Variants in NUP188 observed in about 807,000 individuals in gnomAD.
NUP188 encodes the protein nucleoporin NUP188.
NUP188 carries 97 observed loss-of-function variants against 223.0 expected under a neutral mutation model. The ratio of observed to expected loss-of-function variants is 0.43; its 90% confidence interval spans 0.37 to 0.51. The LOEUF (loss-of-function observed/expected upper bound fraction) is 0.51, where lower values mean the gene tolerates loss of function less well. NUP188 is among the 20% of genes least tolerant of loss of function. The pLI, the probability that NUP188 is intolerant of heterozygous loss-of-function variation, is 0.00. For missense variants in NUP188, 1,947 were observed against 2,175.6 expected (o/e 0.89, Z 2.09); for synonymous variants, 869 against 828.0 (o/e 1.05, Z -0.85).
At chr9:129,001,408 A>C in intron 34 of NUP188, 121 bp from the exon 35 acceptor site, 1 of 800,750 alleles carries the variant, frequency 1.2e-6, no homozygotes, top group Non-Finnish European at 2.1e-6. Flanking sequence ...TGTGTTACTC[A>C]AGCTCACTTA....
At chr9:128,991,049 G>T (rs527818258) in intron 25 of NUP188, among the ~76,000 whole-genome samples, 6 of 151,888 alleles carry the variant, frequency 4.0e-5, no homozygotes, top group Admixed American at 2.0e-4. Flanking sequence ...CATGCTTATT[G>T]TAAAATATTT....
chr9:128,983,283 C>G lies in NUP188; in HGVS notation c.1797-10C>G. 3 of 1,611,540 alleles carry G rather than the reference C, an allele frequency of 1.9e-6. No homozygotes were observed. The South Asian group carries it at 3.3e-5, about 18-fold the overall frequency. On this transcript the variant is annotated splice_polypyrimidine_tract_variant and intron_variant, in intron 17 of 43. Coordinates refer to ENST00000372577, the MANE Select transcript of NUP188 (RefSeq NM_015354.3). ...GCTTTATTGAGTATAGTGTATTGTTCTCCAACCAGGTTAACGACAGTGATC... is the reference window on the plus strand; with the variant it reads ...GCTTTATTGAGTATAGTGTATTGTTGTCCAACCAGGTTAACGACAGTGATC...
At chr9:128,994,630 A>G (rs1017875128) in intron 28 of NUP188, among the ~76,000 whole-genome samples, 188 bp downstream of exon 28, 6 of 152,146 alleles carry the variant, frequency 3.9e-5, no homozygotes, top group African/African-American at 1.2e-4. Context: ...TGGGAAGGAA[A>G]GTGGTTTGCG....
At position 128,993,141 on chromosome 9, in the gene NUP188, C is replaced by G. The variant is rs1276527630; in HGVS notation, c.2641-56C>G. On this transcript the variant is annotated intron_variant, in intron 25 of 43. Transcript: ENST00000372577. The stretch of plus-strand genomic sequence containing the variant: ...TCTTCAGTGCCCTTCTGTGGGAGCC[C>G]ATTGAGGTTTTTGTGGAAGCAGAGC... 4 of 1,437,658 alleles carry G rather than the reference C, an allele frequency of 2.8e-6. No homozygotes were observed. In the African/African-American group the frequency reaches 5.6e-5, roughly 20 times the overall value. The allele number at this position is 1,437,658 out of a possible 1,614,324, so 89.1% of individuals were successfully genotyped here. A position where few individuals can be genotyped will look rare whatever the true frequency, so the allele number is the denominator to read the frequency against.
chr9:128,956,532 T>G, intron 4 of NUP188, 98 bp downstream of exon 4: 1 of 646,340 alleles, frequency 1.5e-6, no homozygotes, highest in Non-Finnish European at 2.6e-6. Context: ...CTTTTTGTTT[T>G]GGGGATTAAA....
At chr9:128,960,865 G>A (rs190844641) in intron 8 of NUP188, among the ~76,000 whole-genome samples, 10 of 152,006 alleles carry the variant, frequency 6.6e-5, no homozygotes, top group South Asian at 4.2e-4. Flanking sequence ...TGGGCGGATC[G>A]CTTGAGGTCA....
intron 18 of NUP188, 26 bp from the exon 19 acceptor site, chr9:128,983,447 CA>C (rs781013570): frequency 6.2e-7 from 1 of 1,611,288 alleles, no homozygotes; most frequent in Non-Finnish European, 8.5e-7. Context: ...GATATGTGGG[CA>C]TTTAACTCTT....
Position 128,967,790 on chromosome 9 carries a change from C to CA in NUP188, c.586-701dup, listed in dbSNP as rs753211464. Reference sequence around the variant, plus strand: ...GGGGGATAAGAGTGAGACTTCGTCTCAAAAAAAAAAAAAAATTAAAAGAAT... The same window carrying CA: ...GGGGGATAAGAGTGAGACTTCGTCTCAAAAAAAAAAAAAAAATTAAAAGAAT... On this transcript the variant is annotated intron_variant, in intron 8 of 43. Coordinates refer to ENST00000372577, the MANE Select transcript of NUP188 (RefSeq NM_015354.3). Among the ~76,000 whole-genome samples, 483 of 124,686 alleles carry CA rather than the reference C, an allele frequency of 3.9e-3. 2 individuals are homozygous for CA. The highest frequency in any genetic ancestry group is 2.8e-3 in the Admixed American group (34 of 12,110). 81.8% of individuals were successfully genotyped at this position (124,686 alleles called of 152,430 possible). A position where few individuals can be genotyped will look rare whatever the true frequency, so the allele number is the denominator to read the frequency against.
intron 8 of NUP188, among the ~76,000 whole-genome samples, chr9:128,965,514 G>A (rs931674706): frequency 5.9e-5 from 9 of 152,086 alleles, no homozygotes; most frequent in Non-Finnish European, 1.0e-4. Context: ...GTGCAGTGGC[G>A]CATTCTTGGC....
intron 20 of NUP188, 137 bp downstream of exon 20, chr9:128,985,151 T>C: frequency 1.6e-6 from 1 of 630,004 alleles, no homozygotes; most frequent in Admixed American, 3.1e-5. Context: ...GAAGTTACAG[T>C]GACAACAGTT....
chr9:129,002,046 C>T, intron 36 of NUP188, 70 bp downstream of exon 36: 1 of 1,240,434 alleles, frequency 8.1e-7, no homozygotes, highest in South Asian at 1.2e-5. Flanking sequence ...AGTGTCCTCC[C>T]CTACCTTTCC....
intron 25 of NUP188, among the ~76,000 whole-genome samples, chr9:128,991,141 G>T (rs1224725915): frequency 6.6e-6 from 1 of 151,580 alleles, no homozygotes; most frequent in Admixed American, 6.6e-5. Context: ...TGGGCAGGGG[G>T]ATATGCCATG....
Position 129,001,885 on chromosome 9 carries a change from G to T in NUP188, c.4046G>T (p.Gly1349Val). ...TTTCCTGTCTTTCCCTCCTCCCAGG[G>T]AGCCACAGCAGTGGCTGGAGCTGGC... ...LLLTLARTQQ[G>V]ATAVAGAGIT... The change falls in exon 36 of 44, where the codon GGA (glycine) becomes GTA (valine). Residue 1349 changes from glycine (G) to valine (V), a missense_variant and splice_region_variant. This residue lies in a region of NUP188 where 905 missense variants were observed against 990.6 expected (regional missense o/e 0.91). Coordinates refer to ENST00000372577, the MANE Select transcript of NUP188 (RefSeq NM_015354.3). 6.2e-7 allele frequency: 1 copy of T among 1,613,386 alleles called. No individual in the cohort carries two copies. Among genetic ancestry groups the T allele is most frequent in the Non-Finnish European group, 8.5e-7 (1 of 1,179,368 alleles).
chr9:129,005,419 A>G lies in NUP188; in HGVS notation c.4626A>G (p.Ser1542=). ...AGCCCGCTGCTGACACAGAGGCATC[A>G]GAGCAGCAGGCCTTGCACACAGTCC... The part of the protein sequence containing the change: ...SKQPAADTEA[S]EQQALHTVQY... The change falls in exon 40 of 44, where the codon TCA becomes TCG. Residue 1542 remains serine, a synonymous_variant. Coordinates refer to ENST00000372577, the MANE Select transcript of NUP188 (RefSeq NM_015354.3). 6.2e-7 allele frequency: 1 copy of G among 1,610,722 alleles called. No homozygotes were observed. Among genetic ancestry groups the G allele is most frequent in the South Asian group, 1.1e-5 (1 of 91,088 alleles).
At chr9:128,980,961 A>C (rs1174150588) in intron 14 of NUP188, among the ~76,000 whole-genome samples, 1 of 152,200 alleles carries the variant, frequency 6.6e-6, no homozygotes, top group Non-Finnish European at 1.5e-5. Flanking sequence ...CTTAATATCT[A>C]GTTGGAAGTT....
intron 11 of NUP188, among the ~76,000 whole-genome samples, chr9:128,971,642 A>G (rs760400571): frequency 3.3e-5 from 5 of 151,236 alleles, no homozygotes; most frequent in Admixed American, 6.6e-5. Flanking sequence ...CTAGTCTTGA[A>G]CTCCTGACCT....
chr9:128,999,756 TG>T lies in NUP188; in HGVS notation c.3796del (p.Glu1266ArgfsTer31). The stretch of plus-strand genomic sequence containing the variant: ...AGTGCCACAGAGGACAAGGACAGCA[TG>T]GAGACTGACGACTGTTCTCGGTCCC... ...LGSATEDKDS[M>X]ETDDCSRSRH... On this transcript the variant is annotated frameshift_variant, in exon 34 of 44. Transcript: ENST00000372577. LOFTEE classifies it high-confidence loss of function. The T allele has an allele frequency of 6.2e-7, 1 of 1,614,204 alleles. No homozygotes were observed. The highest frequency in any genetic ancestry group is 1.3e-5 in the African/African-American group (1 of 75,066).
At chr9:128,994,963 G>A (rs1166105950) in intron 29 of NUP188, 40 bp downstream of exon 29, 2 of 1,487,552 alleles carry the variant, frequency 1.3e-6, no homozygotes, top group South Asian at 2.3e-5. Flanking sequence ...CTGAAGGTTG[G>A]GGGAGTGGGA....
chr9:128,960,397 T>A (rs761470505), intron 8 of NUP188, among the ~76,000 whole-genome samples: 10 of 152,142 alleles, frequency 6.6e-5, no homozygotes, highest in Admixed American at 1.3e-4. Flanking sequence ...TAAACCAATT[T>A]GCATCTATCG....
Sources: allele counts gnomAD v4.1 joint callset (sites outside exome capture counted in the v4.1 genomes callset), GRCh38; gene constraint gnomAD v4.1.1; regional missense constraint gnomAD v4.1.1; transcripts MANE v1.5; gene names NCBI Gene and HGNC (gene_info 2026-07-23, HGNC 2026-07-21).